The following SCUBE3 variants were observed in gnomAD, a reference collection of about 807,000 sequenced individuals.
SCUBE3 encodes the protein signal peptide, CUB domain and EGF like domain containing 3.
A neutral mutation model predicts 116.8 loss-of-function variants in SCUBE3; 33 were observed. The observed-to-expected ratio is 0.28, with a 90% CI of 0.21 to 0.38. The LOEUF (loss-of-function observed/expected upper bound fraction) is 0.38, where lower values mean the gene tolerates loss of function less well. Ranked by LOEUF, SCUBE3 falls within the 10% of genes least tolerant of loss-of-function variation. The probability of loss-of-function intolerance (pLI) is 1.00; values close to 1 mark genes in which losing one functional copy is unlikely to be tolerated. For synonymous variants in SCUBE3, 418 were observed against 496.9 expected (o/e 0.84, Z 2.11); for missense variants, 1,007 against 1,324.8 (o/e 0.76, Z 3.72).
At chr6:35,223,872 G>T (rs1783212411) in intron 1 of SCUBE3, 1 of 152,150 alleles carries the variant, frequency 6.6e-6, no homozygotes. Flanking sequence ...CTTTGTCTTA[G>T]GTCTGTTCTG....
At chr6:35,218,016 T>G in intron 1 of SCUBE3, 1 of 340,048 alleles carries the variant, frequency 2.9e-6, no homozygotes, top group Non-Finnish European at 4.2e-6. Flanking sequence ...CTCTGCAGGG[T>G]GGAATAAGAG....
In SCUBE3 at chr6:35,246,023, G is replaced by A. The variant is rs758611657; in HGVS notation, c.2679G>A (p.Lys893=). The stretch of plus-strand genomic sequence containing the variant: ...TTGCCTTCACTGCCCGTTCCAGGAA[G>A]CTCTGGATCAACTTCAAGACAAGCG... ...RPIAFTARSR[K]LWINFKTSEA... Residue 893 remains lysine (K), a synonymous_variant, in exon 20 of 22, where the codon AAG becomes AAA. Coordinates refer to ENST00000274938, the MANE Select transcript of SCUBE3 (RefSeq NM_152753.4). 1 of 1,614,096 alleles carries A rather than the reference G, an allele frequency of 6.2e-7. No individual in the cohort carries two copies. The highest frequency in any genetic ancestry group is 1.7e-5 in the Admixed American group (1 of 60,020).
Position 35,244,752 on chromosome 6 carries a change from G to C in SCUBE3, c.2342G>C (p.Arg781Pro). Residue 781 changes from arginine to proline, a missense_variant, in exon 18 of 22, where the codon CGC (arginine) becomes CCC (proline). Physicochemically the swap from Arg to Pro is moderately radical, Grantham distance 103. This residue lies in a region of SCUBE3 where 544 missense variants were observed against 638.9 expected (regional missense o/e 0.85). Coordinates refer to ENST00000274938, the MANE Select transcript of SCUBE3 (RefSeq NM_152753.4). This position sits in a 1 kb window ranked among gnomAD's most constrained non-coding sequence, Gnocchi z 4.3. ...GACTTCCGTCAGAACTTCTGCAGCC[G>C]CTGTCCAGGAAACACAAGCACAGAC... is the stretch of plus-strand genomic sequence containing the variant. ...QPDFRQNFCS[R>P]CPGNTSTDFD... The C allele has an allele frequency of 6.2e-7, 1 of 1,614,204 alleles. No homozygotes were observed. Among genetic ancestry groups the C allele is most frequent in the Middle Eastern group, 1.7e-4 (1 of 6,060 alleles).
intron 1 of SCUBE3, among the ~76,000 whole-genome samples, chr6:35,215,108 T>C (rs1782833133): frequency 1.3e-5 from 2 of 152,246 alleles, no homozygotes; most frequent in Non-Finnish European, 2.9e-5. Flanking sequence ...GTTGCGTTTC[T>C]GCCTCTTTGG....
intron 1 of SCUBE3, among the ~76,000 whole-genome samples, chr6:35,225,370 T>C (rs1783285329): frequency 6.6e-6 from 1 of 152,230 alleles, no homozygotes; most frequent in African/African-American, 2.4e-5. Context: ...CTGTTTTCTG[T>C]TTATCAGTTG....
At position 35,239,755 on chromosome 6, in the gene SCUBE3, T is replaced by C. The variant is rs761271869; in HGVS notation, c.833T>C (p.Ile278Thr). Residue 278 changes from isoleucine to threonine, a missense_variant, in exon 8 of 22, where the codon ATA becomes ACA. Ile to Thr is a moderately conservative substitution (Grantham distance 89). This residue lies in a region of SCUBE3 where 214 missense variants were observed against 316.7 expected (regional missense o/e 0.68). Transcript: ENST00000274938. This position sits in a 1 kb window ranked among gnomAD's most constrained non-coding sequence, Gnocchi z 4.1. The stretch of plus-strand genomic sequence containing the variant: ...CTGTTTTGTCCTCCTTCTTCAGATA[T>C]AGATGAGTGCCGCTTAAACAACGGG... ...LQPDRKTCKD[I>T]DECRLNNGGC... The C allele has an allele frequency of 3.7e-6, 6 of 1,611,538 alleles. No homozygotes were observed. In the African/African-American group the frequency reaches 5.4e-5, roughly 14 times the overall value.
At chr6:35,222,123 G>A (rs905764424) in intron 1 of SCUBE3, 2 of 152,176 alleles carry the variant, frequency 1.3e-5, no homozygotes, top group African/African-American at 4.8e-5. Context: ...CTCCCCTATG[G>A]GTGGTAAGGT....
chr6:35,215,534 G>A (rs559436145), intron 1 of SCUBE3, among the ~76,000 whole-genome samples: 1 of 152,310 alleles, frequency 6.6e-6, no homozygotes, highest in South Asian at 2.1e-4. Context: ...TGTCCCAGGG[G>A]CTCCTGAAGC....
intron 1 of SCUBE3, among the ~76,000 whole-genome samples, chr6:35,217,410 T>C (rs1484578001): frequency 6.6e-6 from 1 of 151,702 alleles, no homozygotes; most frequent in Non-Finnish European, 1.5e-5. Flanking sequence ...ACCTGGTAGT[T>C]TTCTCTCCTT....
At chr6:35,216,026 G>A (rs919090199) in intron 1 of SCUBE3, among the ~76,000 whole-genome samples, 1 of 152,220 alleles carries the variant, frequency 6.6e-6, no homozygotes, top group Non-Finnish European at 1.5e-5. Context: ...CTGAAGGAAG[G>A]AACAGATATC....
rs987503290 is a variant in SCUBE3 at position 35,219,691 on chromosome 6, T to C, written c.85+5188T>C. 2.0e-5 allele frequency among the ~76,000 whole-genome samples: 3 copies of C among 151,270 alleles called. No individual in the cohort carries two copies. Among genetic ancestry groups the C allele is most frequent in the Admixed American group, 2.0e-4 (3 of 15,196 alleles). ...TGAAAGTGGGGAGTATCAGGATATG[T>C]GGGCATTGGGGGGAGGGCTGGGGAA... On this transcript the variant is annotated intron_variant, in intron 1 of 21. Transcript: ENST00000274938. The surrounding 1 kb of genome is among the most constrained non-coding windows in gnomAD (Gnocchi z 4.7).
Position 35,243,301 on chromosome 6 carries a change from G to C in SCUBE3, c.1909+65G>C. 1.5e-6 allele frequency: 2 copies of C among 1,364,044 alleles called. No homozygotes were observed. Among genetic ancestry groups the C allele is most frequent in the Non-Finnish European group, 2.1e-6 (2 of 966,612 alleles). The allele number at this position is 1,364,044 out of a possible 1,614,324, so 84.5% of individuals were successfully genotyped here. A position where few individuals can be genotyped will look rare whatever the true frequency, so the allele number is the denominator to read the frequency against. On this transcript the variant is annotated intron_variant, in intron 15 of 21. Transcript: ENST00000274938. This position sits in a 1 kb window ranked among gnomAD's most constrained non-coding sequence, Gnocchi z 6.6. ...CCAGTTTGGGCCTGACTCAGAGCAG[G>C]ACCCTTTGTGGCCTCAGATGCATTT...
At position 35,248,925 on chromosome 6, in the gene SCUBE3, C is replaced by T; in HGVS notation, c.*220C>T. The T allele has an allele frequency of 3.5e-6, 2 of 568,304 alleles. No homozygotes were observed. Among genetic ancestry groups the T allele is most frequent in the Non-Finnish European group, 6.2e-6 (2 of 320,300 alleles). The allele number at this position is 568,304 out of a possible 1,614,324, so 35.2% of individuals were successfully genotyped here. On this transcript the variant is annotated 3_prime_UTR_variant, in exon 22 of 22. Transcript: ENST00000274938. ...CTACTGTTCCCCCTTTTCTAACACA[C>T]TACCTAGAAAAGCCATTCAGTACTG...
Position 35,232,990 on chromosome 6 carries a change from A to C in SCUBE3, c.595+15A>C. ...GGACTGTAAATGTGAGATAATTGGG[A>C]TGGCAGGTGGGGCAGTGGGGTCGGG... On this transcript the variant is annotated intron_variant, in intron 5 of 21. Coordinates refer to ENST00000274938, the MANE Select transcript of SCUBE3 (RefSeq NM_152753.4). The surrounding 1 kb of genome is among the most constrained non-coding windows in gnomAD (Gnocchi z 4.2). 2 of 1,613,586 alleles carry C rather than the reference A, an allele frequency of 1.2e-6. No individual in the cohort carries two copies. Among genetic ancestry groups the C allele is most frequent in the Non-Finnish European group, 1.7e-6 (2 of 1,179,632 alleles).
At position 35,243,276 on chromosome 6, in the gene SCUBE3, C is replaced by A. The variant is rs756545072; in HGVS notation, c.1909+40C>A. The A allele has an allele frequency of 1.9e-6, 3 of 1,545,506 alleles. No individual in the cohort carries two copies. Among genetic ancestry groups the A allele is most frequent in the Non-Finnish European group, 2.7e-6 (3 of 1,123,868 alleles). On this transcript the variant is annotated intron_variant, in intron 15 of 21. Transcript: ENST00000274938. This position sits in a 1 kb window ranked among gnomAD's most constrained non-coding sequence, Gnocchi z 6.6. Reference sequence around the variant, plus strand: ...TGGGGAGCAGGGATGTAGGAAAGACCCAGTTTGGGCCTGACTCAGAGCAGG... The same window carrying A: ...TGGGGAGCAGGGATGTAGGAAAGACACAGTTTGGGCCTGACTCAGAGCAGG...
At chr6:35,217,262 G>GGGGGGGGGGGGGGA (rs1782957005) in intron 1 of SCUBE3, among the ~76,000 whole-genome samples, 2 of 109,928 alleles carry the variant, frequency 1.8e-5, no homozygotes, top group Non-Finnish European at 1.9e-5. Flanking sequence ...GCGGGGGGGG[G>GGGGGGGGGGGGGGA]GGTGTGTGCA....
chr6:35,237,963 C>T lies in SCUBE3; in HGVS notation c.774C>T (p.Val258=), dbSNP rs199604924. 11 of 1,612,692 alleles carry T rather than the reference C, an allele frequency of 6.8e-6. No homozygotes were observed. The highest frequency in any genetic ancestry group is 9.3e-6 in the Non-Finnish European group (11 of 1,178,874). The change falls in exon 7 of 22, where the codon GTC becomes GTT. Residue 258 remains valine, a synonymous_variant. Transcript: ENST00000274938. ...AGTGCCATGATGCAGCGACTGGTGTCCACTGCACCTGCCCTGTGGGCTTCA... is the reference window on the plus strand; with the variant it reads ...AGTGCCATGATGCAGCGACTGGTGTTCACTGCACCTGCCCTGTGGGCTTCA... ...DSKCHDAATG[V]HCTCPVGFML...
intron 1 of SCUBE3, 50 bp from the exon 2 acceptor site, chr6:35,227,530 C>T: frequency 6.2e-7 from 1 of 1,612,202 alleles, no homozygotes; most frequent in Non-Finnish European, 8.5e-7. Flanking sequence ...CAAGACACCC[C>T]TTAAGAGGTG....
At position 35,232,325 on chromosome 6, in the gene SCUBE3, G is replaced by T. The variant is rs112066238; in HGVS notation, c.469+466G>T. Among the ~76,000 whole-genome samples the T allele has an allele frequency of 1.3e-5, 2 of 152,248 alleles. No individual in the cohort carries two copies. The highest frequency in any genetic ancestry group is 4.8e-5 in the African/African-American group (2 of 41,556). On this transcript the variant is annotated intron_variant, in intron 4 of 21. Coordinates refer to ENST00000274938, the MANE Select transcript of SCUBE3 (RefSeq NM_152753.4). The surrounding 1 kb of genome is among the most constrained non-coding windows in gnomAD (Gnocchi z 4.2). ...CAGGGACTATGTCTAACTCATTGTT[G>T]TATCCCCAGCACCTAACATACTGCC... is the stretch of plus-strand genomic sequence containing the variant.
Sources: gnomAD v4.1 joint callset for allele counts (sites outside exome capture counted in the v4.1 genomes callset) on GRCh38, gnomAD v4.1.1 for gene constraint, gnomAD v4.1.1 regional missense constraint, Gnocchi (gnomAD v3.1) non-coding constraint, MANE v1.5 for transcripts, NCBI Gene and HGNC (gene_info 2026-07-23, HGNC 2026-07-21) for gene names.